SYNE1: variants seen among roughly 807,000 people sequenced by gnomAD.
SYNE1 encodes spectrin repeat containing nuclear envelope protein 1, also known as nesprin-1.
In SYNE1, 616 loss-of-function variants were observed where a neutral mutation model predicts 1,111.0. The ratio of observed to expected loss-of-function variants is 0.55; its 90% CI spans 0.52 to 0.59. The LOEUF (loss-of-function observed/expected upper bound fraction) is 0.59. Among genes scored for constraint, SYNE1 ranks in the 20% least tolerant of loss-of-function variants. The pLI, the probability that SYNE1 is intolerant of heterozygous loss-of-function variation, is 0.00. For synonymous variants in SYNE1, 3,855 were observed against 3,825.8 expected, an observed-to-expected ratio of 1.01 and a Z score of -0.28; for missense variants, 10,006 against 10,417.0, an observed-to-expected ratio of 0.96 and a Z score of 1.72.
intron 50 of SYNE1, 113 bp from the exon 51 acceptor site, chr6:152,395,784 T>A: frequency 8.9e-7 from 1 of 1,119,196 alleles, no homozygotes; most frequent in Non-Finnish European, 1.3e-6. Flanking sequence ...TCATGAATGT[T>A]CAAGTGACAA....
intron 106 of SYNE1, among the ~76,000 whole-genome samples, chr6:152,242,891 C>T (rs931578346): frequency 6.6e-6 from 1 of 151,946 alleles, no homozygotes; most frequent in African/African-American, 2.4e-5. Context: ...GGAAACAACT[C>T]AACTCTTTGA....
Position 152,350,335 on chromosome 6 carries a change from C to T in SYNE1, c.11734G>A (p.Glu3912Lys), listed in dbSNP as rs756203891. Residue 3912 changes from glutamate (E) to lysine (K), a missense_variant and splice_region_variant, in exon 72 of 146, where the codon GAG becomes AAG. This residue lies in a region of SYNE1 where 4,955 missense variants were observed against 5,017.2 expected (regional missense o/e 0.99). Transcript: ENST00000367255. ...DYQDLCSIGK[E>K]HVFSLEAKVK... ...TTCGCCTCCAGACTGAAGACATGCT[C>T]CTGCAAAACCAGGTGTCCATCAGAG... 36 of 1,614,002 alleles carry T rather than the reference C, an allele frequency of 2.2e-5. No homozygotes were observed. The South Asian group carries it at 4.0e-4, about 18-fold the overall frequency.
intron 13 of SYNE1, 118 bp from the exon 14 acceptor site, chr6:152,483,367 T>G (rs2098919814): frequency 1.2e-6 from 1 of 868,352 alleles, no homozygotes; most frequent in Admixed American, 2.4e-5. Flanking sequence ...TCAGGCTAAG[T>G]TAATAAATAT....
Position 152,331,463 on chromosome 6 carries a change from C to A in SYNE1, c.13222G>T (p.Ala4408Ser). The A allele has an allele frequency of 6.2e-7, 1 of 1,614,156 alleles. No individual in the cohort carries two copies. The highest frequency in any genetic ancestry group is 1.1e-5 in the South Asian group (1 of 91,078). ...CCAAGATCTGCCATGACCCTGTCTG[C>A]GTCCTTTATAAGCGATTTCAGGAGC... ...QMLLKSLIKD[A>S]DRVMADLGLN... Residue 4408 changes from alanine to serine, a missense_variant, in exon 78 of 146, where the codon GCA becomes TCA. Ala to Ser is a moderately conservative substitution (Grantham distance 99, BLOSUM62 1). Transcript: ENST00000367255.
rs773308278 is a variant in SYNE1, at chr6:152,385,671, G to A, written c.8652+3C>T. The A allele has an allele frequency of 1.9e-6, 3 of 1,613,884 alleles. No homozygotes were observed. The highest frequency in any genetic ancestry group is 2.5e-6 in the Non-Finnish European group (3 of 1,179,948). On this transcript the variant is annotated splice_donor_region_variant and intron_variant, in intron 55 of 145. Transcript: ENST00000367255. ...TAGATATAGCATCTGTTCATTTCCT[G>A]ACCTTAATTTTTGATAACTTTTTCT...
At chr6:152,487,990 GT>G (rs2098950207) in intron 12 of SYNE1, among the ~76,000 whole-genome samples, 1 of 151,774 alleles carries the variant, frequency 6.6e-6, no homozygotes, top group Non-Finnish European at 1.5e-5. Context: ...CAGGAGAATG[GT>G]GTGAACCCAG....
intron 139 of SYNE1, 85 bp downstream of exon 139, chr6:152,141,118 G>A: frequency 1.9e-6 from 3 of 1,580,772 alleles, no homozygotes; most frequent in Non-Finnish European, 2.6e-6. Flanking sequence ...AGAAGGCCAA[G>A]CCCCCTAAGT....
intron 118 of SYNE1, 136 bp from the exon 119 acceptor site, chr6:152,221,182 T>C: frequency 8.8e-7 from 1 of 1,133,204 alleles, no homozygotes; most frequent in East Asian, 2.6e-5. Context: ...TAAAAATTAA[T>C]GTTTCATATT....
rs1563188423 is a variant in SYNE1, at chr6:152,339,369, G to A, written c.12226-3C>T. ...TGCAAAGCTCTGAAGTGTTTGACCT[G>A]GAAAAGGCAGTTATCAGAGTGAAAG... On this transcript the variant is annotated splice_polypyrimidine_tract_variant and splice_region_variant and intron_variant, in intron 74 of 145. Transcript: ENST00000367255. 1 of 1,613,348 alleles carries A rather than the reference G, an allele frequency of 6.2e-7. No homozygotes were observed. Among genetic ancestry groups the A allele is most frequent in the Non-Finnish European group, 8.5e-7 (1 of 1,179,556 alleles).
intron 3 of SYNE1, among the ~76,000 whole-genome samples, chr6:152,585,680 G>T (rs2099535783): frequency 6.6e-6 from 1 of 151,754 alleles, no homozygotes; most frequent in African/African-American, 2.4e-5. Flanking sequence ...GTTTCTTTTT[G>T]GTTCTGGGTT....
intron 110 of SYNE1, 22 bp downstream of exon 110, chr6:152,236,085 T>G: frequency 1.2e-6 from 2 of 1,611,116 alleles, no homozygotes; most frequent in Non-Finnish European, 1.7e-6. Context: ...TCTAAAAATA[T>G]ACAAAACAGT....
chr6:152,383,754 A>G (rs1477880246), intron 55 of SYNE1, among the ~76,000 whole-genome samples: 2 of 151,920 alleles, frequency 1.3e-5, no homozygotes, highest in Non-Finnish European at 2.9e-5. Flanking sequence ...ATCACTTTCA[A>G]CTCCATGTCT....
In SYNE1 at chr6:152,331,084, C is replaced by A; in HGVS notation, c.13601G>T (p.Gly4534Val). 1 of 1,614,124 alleles carries A rather than the reference C, an allele frequency of 6.2e-7. No homozygotes were observed. Residue 4534 changes from glycine to valine, a missense_variant, in exon 78 of 146, where the codon GGG (glycine) becomes GTG (valine). Coordinates refer to ENST00000367255, the MANE Select transcript of SYNE1 (RefSeq NM_182961.4). ...VTEQEKSEVLGKLQELQSVYD... is the reference protein window; with the variant it reads ...VTEQEKSEVLVKLQELQSVYD... ...GACACTCTGCAATTCCTGAAGCTTC[C>A]CCAGCACTTCACTCTTTTCCTGCTC...
At chr6:152,397,038 G>A in intron 49 of SYNE1, 58 bp from the exon 50 acceptor site, 1 of 1,552,468 alleles carries the variant, frequency 6.4e-7, no homozygotes, top group Admixed American at 1.7e-5. Context: ...ATTGTGAGCT[G>A]AAGTAGTAAA....
intron 73 of SYNE1, among the ~76,000 whole-genome samples, chr6:152,345,516 G>A (rs945987204): frequency 2.0e-5 from 3 of 151,226 alleles, no homozygotes; most frequent in Non-Finnish European, 2.9e-5. Flanking sequence ...TGGTGAACAC[G>A]GACCATTCTA....
In SYNE1 at chr6:152,318,367, A is replaced by G. The variant is rs2095788462; in HGVS notation, c.16390-104T>C. The G allele has an allele frequency of 3.4e-6, 4 of 1,193,974 alleles. No homozygotes were observed. In the Admixed American group the frequency reaches 5.9e-5, roughly 18 times the overall value. The allele number at this position is 1,193,974 out of a possible 1,614,324, so 74.0% of individuals were successfully genotyped here. ...TTGTCAAAGCCAAATATTATAATGAATAATTCTACTATAATTCTACTATGA... is the reference window on the plus strand; with the variant it reads ...TTGTCAAAGCCAAATATTATAATGAGTAATTCTACTATAATTCTACTATGA... On this transcript the variant is annotated intron_variant, in intron 85 of 145. Coordinates refer to ENST00000367255, the MANE Select transcript of SYNE1 (RefSeq NM_182961.4).
At chr6:152,628,099 G>A (rs1240285587) in intron 3 of SYNE1, among the ~76,000 whole-genome samples, 166 bp downstream of exon 3, 1 of 145,402 alleles carries the variant, frequency 6.9e-6, no homozygotes, top group African/African-American at 2.5e-5. Context: ...AATGAATACA[G>A]CATCTGAAGA....
intron 32 of SYNE1, among the ~76,000 whole-genome samples, chr6:152,439,407 T>A (rs997145613): frequency 2.0e-5 from 3 of 152,194 alleles, no homozygotes; most frequent in East Asian, 1.9e-4. Context: ...ATTTATTTTT[T>A]AAAATAGAGA....
At chr6:152,251,114 T>C (rs541449734) in intron 104 of SYNE1, among the ~76,000 whole-genome samples, 4 of 152,126 alleles carry the variant, frequency 2.6e-5, no homozygotes, top group African/African-American at 9.6e-5. Context: ...CACGTCTGGC[T>C]AATTTTTTGT....
Sources: gnomAD v4.1 joint callset for allele counts (sites outside exome capture counted in the v4.1 genomes callset) on GRCh38, gnomAD v4.1.1 for gene constraint, gnomAD v4.1.1 regional missense constraint, MANE v1.5 for transcripts, NCBI Gene and HGNC (gene_info 2026-07-23, HGNC 2026-07-21) for gene names.